The following CACNB4 variants were observed in gnomAD, a reference collection of about 807,000 sequenced individuals.
CACNB4 encodes calcium voltage-gated channel auxiliary subunit beta 4.
CACNB4 carries 32 observed loss-of-function variants against 71.2 expected under a neutral mutation model. The ratio of observed to expected loss-of-function variants is 0.45; its 90% CI spans 0.34 to 0.60. The LOEUF (loss-of-function observed/expected upper bound fraction) is 0.60, where lower values mean the gene tolerates loss of function less well. Among genes scored for constraint, CACNB4 ranks in the 20% least tolerant of loss-of-function variants. The pLI, the probability that CACNB4 is intolerant of heterozygous loss-of-function variation, is 0.01. For synonymous variants in CACNB4, 231 were observed against 236.9 expected, an observed-to-expected ratio of 0.97 and a Z score of 0.23; for missense variants, 464 against 647.9, an observed-to-expected ratio of 0.72 and a Z score of 3.08.
rs2099834869 is a variant in CACNB4, at chr2:151,836,288, TCTTG to T, written c.*2827_*2830del. On this transcript the variant is annotated 3_prime_UTR_variant, in exon 14 of 14. Transcript: ENST00000539935. ...CTCAAAACAGTAAAAGACTTGTTTCTCTTGCTTATAATCATTTGCTATCTTTAAA... is the reference window on the plus strand; with the variant it reads ...CTCAAAACAGTAAAAGACTTGTTTCTCTTATAATCATTTGCTATCTTTAAA... 1 of 151,894 alleles carries T rather than the reference TCTTG, an allele frequency of 6.6e-6. No homozygotes were observed. Among genetic ancestry groups the T allele is most frequent in the Non-Finnish European group, 1.5e-5 (1 of 67,782 alleles). The allele number at this position is 151,894 out of a possible 1,614,324, so 9.4% of individuals were successfully genotyped here. A position where few individuals can be genotyped will look rare whatever the true frequency, so the allele number is the denominator to read the frequency against.
At chr2:151,869,766 A>C in intron 8 of CACNB4, 1 of 172,906 alleles carries the variant, frequency 5.8e-6, no homozygotes, top group Admixed American at 5.8e-5. Context: ...AGAGAGGGGG[A>C]TAGAGCCAGG....
intron 2 of CACNB4, among the ~76,000 whole-genome samples, chr2:151,928,420 T>G (rs952007315): frequency 2.0e-5 from 3 of 152,170 alleles, no homozygotes; most frequent in African/African-American, 7.2e-5. Context: ...CCTCATTTAT[T>G]CCTGTGCCTC....
intron 8 of CACNB4, 128 bp from the exon 9 acceptor site, chr2:151,869,363 G>A: frequency 3.3e-6 from 2 of 598,780 alleles, no homozygotes; most frequent in Non-Finnish European, 6.1e-6. Context: ...TCGTCTCCTA[G>A]GGGGAGGTTA....
chr2:151,967,448 G>A (rs1406103592), intron 2 of CACNB4: 1 of 150,202 alleles, frequency 6.7e-6, no homozygotes, highest in Non-Finnish European at 1.5e-5. Flanking sequence ...CTGGCTGATA[G>A]ATATGCCCAA....
chr2:152,067,723 TA>T (rs1470709517), intron 2 of CACNB4, among the ~76,000 whole-genome samples: 1 of 152,026 alleles, frequency 6.6e-6, no homozygotes. Context: ...TTGCTGGTGG[TA>T]AGTAGGATAG....
At position 151,870,877 on chromosome 2, in the gene CACNB4, G is replaced by A. The variant is rs371787892; in HGVS notation, c.599-16C>T. The A allele has an allele frequency of 1.7e-4, 267 of 1,587,026 alleles. No individual in the cohort carries two copies. The highest frequency in any genetic ancestry group is 3.0e-4 in the South Asian group (26 of 87,904). On this transcript the variant is annotated splice_polypyrimidine_tract_variant and intron_variant, in intron 6 of 13. Coordinates refer to ENST00000539935, the MANE Select transcript of CACNB4 (RefSeq NM_000726.5). Reference sequence around the variant, plus strand: ...TTCTGTTTTGCTAAAAGACAATAACGAGAGCCATATCAAAATATGTAAACT... The same window carrying A: ...TTCTGTTTTGCTAAAAGACAATAACAAGAGCCATATCAAAATATGTAAACT...
chr2:152,092,341 A>G (rs1259956821), intron 2 of CACNB4, among the ~76,000 whole-genome samples: 2 of 152,232 alleles, frequency 1.3e-5, no homozygotes, highest in Non-Finnish European at 2.9e-5. Context: ...TTCATCAGAG[A>G]AACATATCTA....
At chr2:151,856,871 C>A (rs922896125) in intron 10 of CACNB4, 3 of 152,018 alleles carry the variant, frequency 2.0e-5, no homozygotes, top group African/African-American at 7.3e-5. Flanking sequence ...CATCACTGTG[C>A]CTGGCTAAAT....
intron 2 of CACNB4, among the ~76,000 whole-genome samples, chr2:151,913,101 T>C (rs981634766): frequency 1.3e-5 from 2 of 152,196 alleles, no homozygotes; most frequent in African/African-American, 4.8e-5. Context: ...AGCACACCAA[T>C]GGGTCTTGAC....
At chr2:151,843,927 G>A (rs2099836899) in intron 12 of CACNB4, among the ~76,000 whole-genome samples, 1 of 152,024 alleles carries the variant, frequency 6.6e-6, no homozygotes, top group South Asian at 2.1e-4. Context: ...GGAAAATTTT[G>A]GCCTTAAATT....
At chr2:151,973,806 G>A (rs2099873248) in intron 2 of CACNB4, 4 of 1,539,836 alleles carry the variant, frequency 2.6e-6, no homozygotes, top group Non-Finnish European at 2.6e-6. Context: ...GGCCTGTTTG[G>A]GAGAACTGCG....
At chr2:152,018,380 C>T (rs1379924993) in intron 2 of CACNB4, among the ~76,000 whole-genome samples, 1 of 151,706 alleles carries the variant, frequency 6.6e-6, no homozygotes, top group South Asian at 2.1e-4. Flanking sequence ...CTCTACACAC[C>T]TGAAAAAAAG....
chr2:151,909,275 AC>A (rs1200254719), intron 2 of CACNB4, among the ~76,000 whole-genome samples: 2 of 151,012 alleles, frequency 1.3e-5, no homozygotes, highest in Non-Finnish European at 3.0e-5. Context: ...TATTAAAAAT[AC>A]AAAAAAAAAT....
intron 2 of CACNB4, among the ~76,000 whole-genome samples, chr2:151,923,130 A>C (rs1373502039): frequency 6.6e-6 from 1 of 152,256 alleles, no homozygotes; most frequent in Non-Finnish European, 1.5e-5. Context: ...ATTTCAGGTA[A>C]GCATTATTTT....
At chr2:151,899,824 C>T (rs1294037318) in intron 2 of CACNB4, among the ~76,000 whole-genome samples, 1 of 152,078 alleles carries the variant, frequency 6.6e-6, no homozygotes, top group Non-Finnish European at 1.5e-5. Flanking sequence ...GAGGCCTGTA[C>T]CTTAGTACAA....
chr2:151,989,642 G>A (rs562686519), intron 2 of CACNB4, among the ~76,000 whole-genome samples: 29 of 152,092 alleles, frequency 1.9e-4, no homozygotes, highest in Middle Eastern at 3.4e-3. Context: ...CTTCAACTAC[G>A]TTCCATCTTC....
intron 5 of CACNB4, among the ~76,000 whole-genome samples, chr2:151,875,836 T>A (rs535596335): frequency 7.9e-6 from 1 of 126,830 alleles, no homozygotes; most frequent in African/African-American, 3.0e-5. Flanking sequence ...GCGTCTCGCC[T>A]GGCGGGGGGC....
intron 13 of CACNB4, 134 bp from the exon 14 acceptor site, chr2:151,839,513 A>C (rs2099835626): frequency 2.9e-6 from 2 of 685,026 alleles, no homozygotes; most frequent in African/African-American, 1.8e-5. Flanking sequence ...CTGATGCACC[A>C]ATGATCTGCT....
intron 2 of CACNB4, among the ~76,000 whole-genome samples, chr2:151,891,461 G>T (rs1483457972): frequency 1.3e-5 from 2 of 152,166 alleles, no homozygotes; most frequent in Non-Finnish European, 2.9e-5. Flanking sequence ...CTTTTGTTAG[G>T]TTGAATCATG....
Sources: allele counts gnomAD v4.1 joint callset (sites outside exome capture counted in the v4.1 genomes callset), GRCh38; gene constraint gnomAD v4.1.1; transcripts MANE v1.5; gene names NCBI Gene and HGNC (gene_info 2026-07-23, HGNC 2026-07-21).